Variants in CTNND2 observed in about 807,000 individuals in gnomAD.
CTNND2 encodes catenin delta 2, also known as catenin delta-2.
CTNND2 carries 22 observed loss-of-function variants against 144.4 expected under a neutral mutation model. The ratio of observed to expected loss-of-function variants is 0.15; its 90% CI spans 0.11 to 0.22. The LOEUF is 0.22. Ranked by LOEUF, CTNND2 falls within the 10% of genes least tolerant of loss-of-function variation. The pLI, the probability that CTNND2 is intolerant of heterozygous loss-of-function variation, is 1.00. For synonymous variants in CTNND2, 751 were observed against 695.6 expected, an observed-to-expected ratio of 1.08 and a Z score of -1.25; for missense variants, 1,353 against 1,618.8, an observed-to-expected ratio of 0.84 and a Z score of 2.82.
At position 11,688,673 on chromosome 5, in the gene CTNND2, G is replaced by A. The variant is rs890523829; in HGVS notation, c.174+43463C>T. ...ACTGAAGCCCAAAATATCAAGTGAC[G>A]AGTGGAAGTCTCAGTCCTATAATTC... On this transcript the variant is annotated intron_variant, in intron 2 of 21. Coordinates refer to ENST00000304623, the MANE Select transcript of CTNND2 (RefSeq NM_001332.4). Among the ~76,000 whole-genome samples the A allele has an allele frequency of 3.3e-5, 5 of 152,112 alleles. No individual in the cohort carries two copies. The East Asian group carries it at 5.8e-4, about 18-fold the overall frequency.
intron 2 of CTNND2, among the ~76,000 whole-genome samples, chr5:11,615,396 A>T (rs1780534197): frequency 6.6e-6 from 1 of 152,228 alleles, no homozygotes; most frequent in East Asian, 1.9e-4. Context: ...CTATTAATTG[A>T]ATTTATACTT....
intron 10 of CTNND2, among the ~76,000 whole-genome samples, chr5:11,213,696 G>A (rs533094372): frequency 6.6e-5 from 10 of 152,220 alleles, no homozygotes; most frequent in African/African-American, 2.2e-4. Flanking sequence ...TAATGGAGAA[G>A]GAGACCTTCT....
At position 11,665,946 on chromosome 5, in the gene CTNND2, T is replaced by G. The variant is rs1226377872; in HGVS notation, c.174+66190A>C. ...CATATTTTTCCTTGATAATCATCAATCAGGAATCATATATATTATGAGCAA... is the reference window on the plus strand; with the variant it reads ...CATATTTTTCCTTGATAATCATCAAGCAGGAATCATATATATTATGAGCAA... On this transcript the variant is annotated intron_variant, in intron 2 of 21. Coordinates refer to ENST00000304623, the MANE Select transcript of CTNND2 (RefSeq NM_001332.4). 2.0e-5 allele frequency among the ~76,000 whole-genome samples: 3 copies of G among 152,152 alleles called. No homozygotes were observed. In the East Asian group the frequency reaches 5.8e-4, roughly 29 times the overall value.
chr5:11,330,779 T>C (rs1753056092), intron 9 of CTNND2, among the ~76,000 whole-genome samples: 1 of 77,934 alleles, frequency 1.3e-5, no homozygotes, highest in South Asian at 6.3e-4. Context: ...CAAAACTCTG[T>C]ATCAAAAAAA....
intron 3 of CTNND2, among the ~76,000 whole-genome samples, chr5:11,515,318 A>T (rs1772064898): frequency 6.6e-6 from 1 of 152,222 alleles, no homozygotes; most frequent in Non-Finnish European, 1.5e-5. Flanking sequence ...AAATGAAGCT[A>T]CTATCCTCTT....
intron 16 of CTNND2, among the ~76,000 whole-genome samples, chr5:11,078,746 T>C (rs1301468390): frequency 1.3e-5 from 2 of 152,188 alleles, no homozygotes. Flanking sequence ...GGAATCCCAG[T>C]GCTGTCCTGT....
intron 1 of CTNND2, among the ~76,000 whole-genome samples, chr5:11,853,612 T>C (rs1406003325): frequency 1.3e-5 from 2 of 152,214 alleles, no homozygotes; most frequent in East Asian, 1.9e-4. Flanking sequence ...CCCATAGGCC[T>C]TGGTGAACTT....
intron 3 of CTNND2, among the ~76,000 whole-genome samples, chr5:11,531,424 G>A (rs1020822208): frequency 6.6e-6 from 1 of 152,044 alleles, no homozygotes; most frequent in Non-Finnish European, 1.5e-5. Context: ...TCAGGAGTTC[G>A]AGGCCAGCCT....
chr5:11,897,038 T>C (rs558269389), intron 1 of CTNND2, among the ~76,000 whole-genome samples: 1 of 152,184 alleles, frequency 6.6e-6, no homozygotes, highest in Admixed American at 6.5e-5. Context: ...TTGTACTATC[T>C]CTGAGACTTT....
At chr5:11,409,504 T>C (rs1353369992) in intron 5 of CTNND2, among the ~76,000 whole-genome samples, 1 of 152,104 alleles carries the variant, frequency 6.6e-6, no homozygotes, top group Non-Finnish European at 1.5e-5. Context: ...CATTCAAATG[T>C]TCACAATAAT....
chr5:11,749,138 A>G (rs1250082224), intron 1 of CTNND2, among the ~76,000 whole-genome samples: 1 of 152,058 alleles, frequency 6.6e-6, no homozygotes, highest in African/African-American at 2.4e-5. Context: ...CAGATCTTCC[A>G]GTCCCAGGCC....
chr5:11,645,927 A>AT (rs200735565), intron 2 of CTNND2, among the ~76,000 whole-genome samples: 8 of 151,898 alleles, frequency 5.3e-5, no homozygotes, highest in East Asian at 1.9e-4. Context: ...TTATTGTTTT[A>AT]TTTTTTTTAA....
At chr5:11,137,212 G>T (rs1223522809) in intron 12 of CTNND2, among the ~76,000 whole-genome samples, 2 of 152,120 alleles carry the variant, frequency 1.3e-5, no homozygotes, top group South Asian at 2.1e-4. Flanking sequence ...GCCATATGAG[G>T]AATTAATCCA....
intron 2 of CTNND2, among the ~76,000 whole-genome samples, chr5:11,575,205 T>A (rs377595112): frequency 6.6e-6 from 1 of 152,208 alleles, no homozygotes; most frequent in African/African-American, 2.4e-5. Flanking sequence ...ACAGGCACCA[T>A]GCTTTTGCAT....
intron 16 of CTNND2, among the ~76,000 whole-genome samples, chr5:11,045,310 C>T (rs1444968553): frequency 6.6e-6 from 1 of 151,970 alleles, no homozygotes; most frequent in Non-Finnish European, 1.5e-5. Flanking sequence ...CCACCCACAG[C>T]AGAAGGTGAA....
intron 2 of CTNND2, among the ~76,000 whole-genome samples, chr5:11,596,380 G>C (rs980336173): frequency 6.6e-6 from 1 of 152,068 alleles, no homozygotes; most frequent in Admixed American, 6.5e-5. Context: ...CTGTTTCTTT[G>C]GCTGGGCTTA....
Position 11,082,676 on chromosome 5 carries a change from G to A in CTNND2, c.2788+20C>T. The A allele has an allele frequency of 6.2e-7, 1 of 1,612,078 alleles. No homozygotes were observed. Among genetic ancestry groups the A allele is most frequent in the Non-Finnish European group, 8.5e-7 (1 of 1,178,594 alleles). On this transcript the variant is annotated intron_variant, in intron 16 of 21. Transcript: ENST00000304623. Reference sequence around the variant, plus strand: ...ATTTTCACTTAACACTTGAGACACTGTGAATCAGGGAGAACATACCGATGA... The same window carrying A: ...ATTTTCACTTAACACTTGAGACACTATGAATCAGGGAGAACATACCGATGA...
chr5:10,975,589 G>A (rs201278631), intron 21 of CTNND2, among the ~76,000 whole-genome samples: 11 of 152,144 alleles, frequency 7.2e-5, no homozygotes, highest in East Asian at 3.9e-4. Context: ...TGGAACATAC[G>A]GCTGGCTGAC....
At chr5:11,278,140 C>T (rs1167477297) in intron 9 of CTNND2, among the ~76,000 whole-genome samples, 1 of 152,134 alleles carries the variant, frequency 6.6e-6, no homozygotes, top group East Asian at 1.9e-4. Flanking sequence ...CCCTCCCCAC[C>T]AGCTATCTCC....
Sources: gnomAD v4.1 joint callset for allele counts (sites outside exome capture counted in the v4.1 genomes callset) on GRCh38, gnomAD v4.1.1 for gene constraint, MANE v1.5 for transcripts, NCBI Gene and HGNC (gene_info 2026-07-23, HGNC 2026-07-21) for gene names.